Variants in MAST4 observed in about 807,000 individuals in gnomAD.
The protein encoded by MAST4 is microtubule associated serine/threonine kinase family member 4, also known as microtubule-associated serine/threonine-protein kinase 4.
In MAST4, 89 loss-of-function variants were observed where a neutral mutation model predicts 162.7. That is an observed-to-expected ratio of 0.55 (90% CI 0.46 to 0.65). MAST4 has a LOEUF of 0.65. Among genes scored for constraint, MAST4 ranks in the 30% least tolerant of loss-of-function variants. The pLI is 0.00. For missense variants in MAST4, 3,153 were observed against 3,374.0 expected (o/e 0.93, Z 1.62); for synonymous variants, 1,479 against 1,361.1 (o/e 1.09, Z -1.91).
At chr5:67,028,305 G>A (rs909283647) in intron 4 of MAST4, among the ~76,000 whole-genome samples, 3 of 152,072 alleles carry the variant, frequency 2.0e-5, no homozygotes, top group African/African-American at 4.8e-5. Flanking sequence ...ACAGAGACTC[G>A]AGTGAGAGTT....
chr5:66,913,087 G>C (rs1763881826), intron 4 of MAST4, among the ~76,000 whole-genome samples: 1 of 152,142 alleles, frequency 6.6e-6, no homozygotes, highest in Non-Finnish European at 1.5e-5. Flanking sequence ...TTCCCCAATA[G>C]CTAGCATTGC....
chr5:66,996,427 A>AT (rs1038523765), intron 4 of MAST4, among the ~76,000 whole-genome samples: 2 of 152,012 alleles, frequency 1.3e-5, no homozygotes, highest in African/African-American at 2.4e-5. Flanking sequence ...TTTATTACAT[A>AT]TTTTTTAAAA....
chr5:66,932,677 T>C (rs1340110513), intron 4 of MAST4, among the ~76,000 whole-genome samples: 1 of 152,200 alleles, frequency 6.6e-6, no homozygotes, highest in Non-Finnish European at 1.5e-5. Context: ...TAATTAGCTA[T>C]GCGTGGGTCA....
At position 67,166,665 on chromosome 5, in the gene MAST4, G is replaced by A. The variant is rs777691648; in HGVS notation, c.7486G>A (p.Ala2496Thr). 3.1e-6 allele frequency: 5 copies of A among 1,597,690 alleles called. No homozygotes were observed. The highest frequency in any genetic ancestry group is 4.3e-6 in the Non-Finnish European group (5 of 1,172,356). Residue 2496 changes from alanine (A) to threonine (T), a missense_variant, in exon 29 of 29, where the codon GCC (alanine) becomes ACC (threonine). Coordinates refer to ENST00000403625, the MANE Select transcript of MAST4 (RefSeq NM_001164664.2). ...CGCCGGGGGCATGCTGGAGCTTCCA[G>A]CCCCCAGCAACAGGGACCATAGGAA... Reference protein sequence around the residue: ...KAAGGMLELPAPSNRDHRKAQ... With the variant: ...KAAGGMLELPTPSNRDHRKAQ...
At chr5:66,926,377 A>G (rs1764891943) in intron 4 of MAST4, among the ~76,000 whole-genome samples, 1 of 152,090 alleles carries the variant, frequency 6.6e-6, no homozygotes, top group African/African-American at 2.4e-5. Context: ...GTGAAACCCT[A>G]TCTCTACTAA....
chr5:66,852,924 G>A (rs1368307094), intron 3 of MAST4, among the ~76,000 whole-genome samples: 1 of 152,194 alleles, frequency 6.6e-6, no homozygotes, highest in East Asian at 1.9e-4. Flanking sequence ...GTAGGATCCT[G>A]TTTGAAAGTG....
intron 4 of MAST4, chr5:67,001,661 T>C (rs1250841532): frequency 1.3e-5 from 2 of 152,180 alleles, no homozygotes; most frequent in African/African-American, 4.8e-5. Flanking sequence ...TGCTATCATC[T>C]TTATAGGTTA....
At chr5:66,638,919 G>T (rs1745301376) in intron 1 of MAST4, among the ~76,000 whole-genome samples, 1 of 152,072 alleles carries the variant, frequency 6.6e-6, no homozygotes, top group Non-Finnish European at 1.5e-5. Context: ...GAACACTTTT[G>T]GGGGAAAAGC....
chr5:67,120,966 T>A lies in MAST4; in HGVS notation c.1660-51T>A. 2.3e-6 allele frequency: 3 copies of A among 1,289,828 alleles called. No homozygotes were observed. The Middle Eastern group carries it at 5.6e-4, about 239-fold the overall frequency. 79.9% of individuals were successfully genotyped at this position (1,289,828 alleles called of 1,614,324 possible). A position where few individuals can be genotyped will look rare whatever the true frequency, so the allele number is the denominator to read the frequency against. ...AATATTATCTATTTTGCTGATAAAA[T>A]AATTTTCTTAAATCTAAACTACTTT... On this transcript the variant is annotated intron_variant, in intron 13 of 28. Coordinates refer to ENST00000403625, the MANE Select transcript of MAST4 (RefSeq NM_001164664.2).
At chr5:66,883,187 G>A (rs527691318) in intron 3 of MAST4, among the ~76,000 whole-genome samples, 164 of 152,298 alleles carry the variant, frequency 1.1e-3, no homozygotes, top group Non-Finnish European at 1.8e-3. Context: ...ATCTGCTATG[G>A]ATGGGGTAAG....
chr5:66,810,610 G>A (rs1026845406), intron 3 of MAST4, among the ~76,000 whole-genome samples: 3 of 152,184 alleles, frequency 2.0e-5, no homozygotes, highest in African/African-American at 4.8e-5. Flanking sequence ...ATGGCCAAAA[G>A]CATGAATAGG....
At chr5:66,877,967 T>C (rs1206948821) in intron 3 of MAST4, among the ~76,000 whole-genome samples, 1 of 152,240 alleles carries the variant, frequency 6.6e-6, no homozygotes, top group Non-Finnish European at 1.5e-5. Flanking sequence ...TACCTTTTCA[T>C]TGATTTTTTT....
intron 3 of MAST4, among the ~76,000 whole-genome samples, chr5:66,895,404 CT>C (rs553363647): frequency 2.6e-4 from 40 of 152,148 alleles, no homozygotes; most frequent in Non-Finnish European, 4.4e-4. Flanking sequence ...CCAAAATCTA[CT>C]TCCAGCCTTA....
intron 4 of MAST4, among the ~76,000 whole-genome samples, chr5:67,033,174 TA>T (rs1278993482): frequency 2.8e-3 from 404 of 142,118 alleles, no homozygotes; most frequent in Non-Finnish European, 3.2e-3. Context: ...ATCTAACCCT[TA>T]AAAAAAAAAA....
chr5:66,656,480 A>G (rs1461769413), intron 1 of MAST4, among the ~76,000 whole-genome samples: 1 of 152,222 alleles, frequency 6.6e-6, no homozygotes, highest in Non-Finnish European at 1.5e-5. Context: ...TAACAGGGAA[A>G]AATAAGCTTG....
intron 1 of MAST4, chr5:66,623,222 A>T (rs1744190340): frequency 6.6e-6 from 1 of 152,358 alleles, no homozygotes; most frequent in East Asian, 1.9e-4. Flanking sequence ...ATGGTTCAAA[A>T]AACTAATACC....
intron 1 of MAST4, among the ~76,000 whole-genome samples, chr5:66,751,789 G>C (rs1580364577): frequency 6.7e-6 from 1 of 149,534 alleles, no homozygotes; most frequent in East Asian, 1.9e-4. Flanking sequence ...AGGAAATACA[G>C]AGAACGCCAC....
At chr5:66,637,910 C>T (rs1745227989) in intron 1 of MAST4, among the ~76,000 whole-genome samples, 1 of 152,066 alleles carries the variant, frequency 6.6e-6, no homozygotes, top group South Asian at 2.1e-4. Context: ...GAGGTCTCAC[C>T]ATGTTACCCA....
chr5:66,975,664 C>T (rs1748053106), intron 4 of MAST4, among the ~76,000 whole-genome samples: 1 of 152,156 alleles, frequency 6.6e-6, no homozygotes, highest in Admixed American at 6.5e-5. Context: ...CATGACCAGT[C>T]CTGCTTCCCA....
Sources: allele counts gnomAD v4.1 joint callset (sites outside exome capture counted in the v4.1 genomes callset), GRCh38; gene constraint gnomAD v4.1.1; transcripts MANE v1.5; gene names NCBI Gene and HGNC (gene_info 2026-07-23, HGNC 2026-07-21).